The following ARL15 variants were observed in gnomAD, a reference collection of about 807,000 sequenced individuals.
ARL15 encodes ARF like GTPase 15, also known as ADP-ribosylation factor-like protein 15.
ARL15 carries 19 observed loss-of-function variants against 25.2 expected under a neutral mutation model. That is an observed-to-expected ratio of 0.75 (90% CI 0.53 to 1.10). ARL15 has a LOEUF of 1.10. Ranked by LOEUF, ARL15 falls within the 50% of genes least tolerant of loss-of-function variation. ARL15 has a pLI of 0.00. For missense variants in ARL15, 220 were observed against 246.0 expected (o/e 0.89, Z 0.71); for synonymous variants, 94 against 86.8 (o/e 1.08, Z -0.46).
chr5:54,060,818 T>C (rs1751040319), intron 4 of ARL15, among the ~76,000 whole-genome samples: 1 of 152,152 alleles, frequency 6.6e-6, no homozygotes, highest in Non-Finnish European at 1.5e-5. Flanking sequence ...AGAGATGATT[T>C]AGGGTATTTG....
At chr5:53,926,111 A>C (rs1305243278) in intron 4 of ARL15, among the ~76,000 whole-genome samples, 3 of 151,868 alleles carry the variant, frequency 2.0e-5, no homozygotes, top group African/African-American at 7.3e-5. Context: ...AGGCAAACAG[A>C]AACCACTCCA....
At chr5:53,926,447 A>G (rs1340281078) in intron 4 of ARL15, among the ~76,000 whole-genome samples, 1 of 152,144 alleles carries the variant, frequency 6.6e-6, no homozygotes, top group Non-Finnish European at 1.5e-5. Context: ...CATCCAAAGC[A>G]CAGACAGGTA....
intron 1 of ARL15, among the ~76,000 whole-genome samples, chr5:54,296,096 C>T (rs1284254901): frequency 6.6e-6 from 1 of 152,208 alleles, no homozygotes; most frequent in Admixed American, 6.5e-5. Context: ...ACCTTTCACC[C>T]TGTGAATCAG....
chr5:54,156,586 G>A (rs1262389057), intron 2 of ARL15, among the ~76,000 whole-genome samples: 1 of 152,308 alleles, frequency 6.6e-6, no homozygotes, highest in Non-Finnish European at 1.5e-5. Flanking sequence ...GTATGTAGTT[G>A]GAGATGTAAA....
intron 1 of ARL15, among the ~76,000 whole-genome samples, chr5:54,178,362 T>G (rs1029468065): frequency 6.6e-6 from 1 of 152,188 alleles, no homozygotes; most frequent in Non-Finnish European, 1.5e-5. Context: ...GCTTTGGGAC[T>G]TCTCCACAGC....
chr5:54,294,613 C>A (rs1758421045), intron 1 of ARL15, among the ~76,000 whole-genome samples: 2 of 152,306 alleles, frequency 1.3e-5, no homozygotes, highest in African/African-American at 4.8e-5. Context: ...GCTGCAAGAT[C>A]TTTTAACACA....
chr5:54,218,103 G>C (rs1194352714), intron 1 of ARL15, among the ~76,000 whole-genome samples: 4 of 152,096 alleles, frequency 2.6e-5, no homozygotes, highest in African/African-American at 9.7e-5. Flanking sequence ...GTGTTTCCAA[G>C]AGCAACCTCC....
chr5:54,117,402 CACACAA>C (rs1214930062), intron 3 of ARL15, among the ~76,000 whole-genome samples: 1 of 151,286 alleles, frequency 6.6e-6, no homozygotes, highest in African/African-American at 2.4e-5. Flanking sequence ...CACACACACA[CACACAA>C]ACCCAAAGAG....
chr5:54,022,317 TCTC>T (rs1749630283), intron 4 of ARL15, among the ~76,000 whole-genome samples: 1 of 152,064 alleles, frequency 6.6e-6, no homozygotes, highest in African/African-American at 2.4e-5. Context: ...TCTCTGACCT[TCTC>T]CTCACCCTCC....
chr5:54,227,927 T>C (rs1756570123), intron 1 of ARL15, among the ~76,000 whole-genome samples: 1 of 152,110 alleles, frequency 6.6e-6, no homozygotes, highest in Admixed American at 6.5e-5. Context: ...ACACCTTTTC[T>C]GAGAAGAGAC....
At chr5:54,266,704 G>C (rs1213641362) in intron 1 of ARL15, among the ~76,000 whole-genome samples, 1 of 152,126 alleles carries the variant, frequency 6.6e-6, no homozygotes, top group Non-Finnish European at 1.5e-5. Flanking sequence ...TTAATCTAAA[G>C]AACAAAGTAT....
intron 4 of ARL15, among the ~76,000 whole-genome samples, chr5:54,024,143 T>C (rs75174824): frequency 0.049 from 7,477 of 152,274 alleles, 231 homozygotes; most frequent in Middle Eastern, 0.078. Context: ...CAGTGAACCT[T>C]CAGAAGGCAA....
At chr5:54,055,352 CTTTTTTT>C (rs147040538) in intron 4 of ARL15, among the ~76,000 whole-genome samples, 27 of 55,362 alleles carry the variant, frequency 4.9e-4, no homozygotes, top group African/African-American at 1.4e-3. Flanking sequence ...ATCATCATTC[CTTTTTTT>C]TTTTTTTTTT....
intron 1 of ARL15, among the ~76,000 whole-genome samples, chr5:54,189,700 T>G (rs1755339990): frequency 6.6e-6 from 1 of 151,944 alleles, no homozygotes; most frequent in Non-Finnish European, 1.5e-5. Flanking sequence ...CATAGAAACA[T>G]AGAAAGTTTT....
At chr5:54,217,090 T>C (rs1379199110) in intron 1 of ARL15, among the ~76,000 whole-genome samples, 1 of 152,028 alleles carries the variant, frequency 6.6e-6, no homozygotes, top group Admixed American at 6.6e-5. Context: ...TAAGCCACAG[T>C]TTTCTTAAAA....
chr5:54,245,468 C>G (rs886897272), intron 1 of ARL15, among the ~76,000 whole-genome samples: 3 of 152,126 alleles, frequency 2.0e-5, no homozygotes, highest in African/African-American at 4.8e-5. Context: ...AAAACAGAAG[C>G]TTGGTGATCT....
Position 53,987,383 on chromosome 5 carries a change from C to T in ARL15, c.463-100670G>A, listed in dbSNP as rs147592007. On this transcript the variant is annotated intron_variant, in intron 4 of 4. Transcript: ENST00000504924. ...TCATCTAGATCTAGCCTCGTCCTTC[C>T]ACATAATTTGCAGAAAAGGCTCACA... Among the ~76,000 whole-genome samples the T allele has an allele frequency of 8.7e-4, 133 of 152,068 alleles. 1 individual carries two copies. The East Asian group carries it at 0.017, about 19-fold the overall frequency.
At chr5:54,296,524 C>T (rs560135152) in intron 1 of ARL15, among the ~76,000 whole-genome samples, 1 of 152,214 alleles carries the variant, frequency 6.6e-6, no homozygotes, top group Non-Finnish European at 1.5e-5. Flanking sequence ...TTACTCAGCA[C>T]CTGTCAGGTG....
At chr5:54,211,864 C>CAT (rs1756052808) in intron 1 of ARL15, among the ~76,000 whole-genome samples, 1 of 151,966 alleles carries the variant, frequency 6.6e-6, no homozygotes, top group South Asian at 2.1e-4. Context: ...AGATAAAGTC[C>CAT]AAAATGAGGA....
Sources: allele counts gnomAD v4.1 joint callset (sites outside exome capture counted in the v4.1 genomes callset), GRCh38; gene constraint gnomAD v4.1.1; transcripts MANE v1.5; gene names NCBI Gene and HGNC (gene_info 2026-07-23, HGNC 2026-07-21).